The following PIEZO2 variants were observed in gnomAD, a reference collection of about 807,000 sequenced individuals.
The protein encoded by PIEZO2 is piezo type mechanosensitive ion channel component 2, also known as piezo-type mechanosensitive ion channel component 2.
Under a neutral mutation model 337.3 loss-of-function variants are expected in PIEZO2, and 172 were observed. The observed-to-expected ratio is 0.51, with a 90% CI of 0.45 to 0.58. The LOEUF (loss-of-function observed/expected upper bound fraction) is 0.58. Among genes scored for constraint, PIEZO2 ranks in the 20% least tolerant of loss-of-function variants. The probability of loss-of-function intolerance (pLI) is 0.00; values close to 1 mark genes in which losing one functional copy is unlikely to be tolerated. For missense variants in PIEZO2, 3,028 were observed against 3,391.3 expected (o/e 0.89, Z 2.66); for synonymous variants, 1,251 against 1,228.5 (o/e 1.02, Z -0.38).
chr18:10,906,398 A>C (rs1240150639), intron 4 of PIEZO2, among the ~76,000 whole-genome samples: 1 of 152,228 alleles, frequency 6.6e-6, no homozygotes, highest in Non-Finnish European at 1.5e-5. Flanking sequence ...AATAGACAGC[A>C]ATATGATCTC....
At chr18:10,906,082 G>A (rs570191255) in intron 4 of PIEZO2, among the ~76,000 whole-genome samples, 29 of 152,176 alleles carry the variant, frequency 1.9e-4, no homozygotes, top group African/African-American at 5.1e-4. Context: ...GGAAGGCTGC[G>A]GTCACCCCAA....
intron 2 of PIEZO2, among the ~76,000 whole-genome samples, chr18:11,049,782 A>G (rs1023299395): frequency 1.3e-5 from 2 of 152,192 alleles, no homozygotes; most frequent in Admixed American, 6.5e-5. Flanking sequence ...GCCTCCCACC[A>G]TGATTGTGAG....
chr18:11,125,367 G>A lies in PIEZO2; in HGVS notation c.64+23158C>T, dbSNP rs926536895. 6.6e-6 allele frequency among the ~76,000 whole-genome samples: 1 copy of A among 152,208 alleles called. No homozygotes were observed. Among genetic ancestry groups the A allele is most frequent in the Non-Finnish European group, 1.5e-5 (1 of 68,044 alleles). On this transcript the variant is annotated intron_variant, in intron 1 of 55. Transcript: ENST00000674853. This position sits in a 1 kb window ranked among gnomAD's most constrained non-coding sequence, Gnocchi z 4.4. ...TGTTACAACACTTACAATGTTGAAT[G>A]TGGCATTTCAGCAATTTTAAAATCC... is the stretch of plus-strand genomic sequence containing the variant.
In PIEZO2 at chr18:11,148,405, G is replaced by A. The variant is rs1259478372; in HGVS notation, c.64+120C>T. 9 of 1,162,802 alleles carry A rather than the reference G, an allele frequency of 7.7e-6. No individual in the cohort carries two copies. The highest frequency in any genetic ancestry group is 7.7e-5 in the African/African-American group (5 of 65,234). 72.0% of individuals were successfully genotyped at this position (1,162,802 alleles called of 1,614,324 possible). A position where few individuals can be genotyped will look rare whatever the true frequency, so the allele number is the denominator to read the frequency against. On this transcript the variant is annotated intron_variant, in intron 1 of 55. Transcript: ENST00000674853. This position sits in a 1 kb window ranked among gnomAD's most constrained non-coding sequence, Gnocchi z 5.2. ...GCACCAGGGACAGCGCGCGTCTGAC[G>A]CCGCTGGCCTCCCGAATCGAACCCC...
At chr18:11,029,534 G>C (rs1431463179) in intron 2 of PIEZO2, among the ~76,000 whole-genome samples, 1 of 152,094 alleles carries the variant, frequency 6.6e-6, no homozygotes, top group Non-Finnish European at 1.5e-5. Flanking sequence ...AAGCAAATTA[G>C]GCCATTCTAT....
chr18:10,899,225 A>C lies in PIEZO2; in HGVS notation c.329+11961T>G, dbSNP rs1265186897. Among the ~76,000 whole-genome samples, 1 of 152,200 alleles carries C rather than the reference A, an allele frequency of 6.6e-6. No individual in the cohort carries two copies. The highest frequency in any genetic ancestry group is 1.5e-5 in the Non-Finnish European group (1 of 68,028). On this transcript the variant is annotated intron_variant, in intron 4 of 55. Transcript: ENST00000674853. The surrounding 1 kb of genome is among the most constrained non-coding windows in gnomAD (Gnocchi z 4.6). ...GAAACAACCAAGCTATGGAAGTCAT[A>C]CAATACTGGGACAATCCTGTAGTTG...
intron 13 of PIEZO2, among the ~76,000 whole-genome samples, chr18:10,792,475 T>C (rs2039439213): frequency 6.6e-6 from 1 of 152,256 alleles, no homozygotes; most frequent in Non-Finnish European, 1.5e-5. Flanking sequence ...AATTTACTTT[T>C]TGTCTCTATA....
At chr18:10,836,827 T>C (rs911274231) in intron 7 of PIEZO2, among the ~76,000 whole-genome samples, 5 of 152,192 alleles carry the variant, frequency 3.3e-5, no homozygotes, top group Non-Finnish European at 7.3e-5. Context: ...GGGGAGGTAA[T>C]ATCTGCACAG....
At chr18:11,010,024 A>G (rs2035842562) in intron 2 of PIEZO2, among the ~76,000 whole-genome samples, 1 of 152,244 alleles carries the variant, frequency 6.6e-6, no homozygotes, top group Non-Finnish European at 1.5e-5. Context: ...TAACAGCAAG[A>G]GTAAATGAAT....
At chr18:11,055,061 A>G (rs191724928) in intron 2 of PIEZO2, among the ~76,000 whole-genome samples, 4,653 of 152,086 alleles carry the variant, frequency 0.031, 176 homozygotes, top group Admixed American at 0.085. Flanking sequence ...AACACAAAAA[A>G]TTAGCTGGGC....
intron 1 of PIEZO2, among the ~76,000 whole-genome samples, chr18:11,100,744 C>T (rs1459409332): frequency 2.0e-5 from 3 of 152,046 alleles, no homozygotes; most frequent in East Asian, 3.9e-4. Context: ...TACAGGCGCC[C>T]GCCACCACGC....
At chr18:10,690,628 G>C (rs540375163) in intron 48 of PIEZO2, among the ~76,000 whole-genome samples, 1 of 152,342 alleles carries the variant, frequency 6.6e-6, no homozygotes, top group South Asian at 2.1e-4. Context: ...GTGCTGAGGA[G>C]GAGCCAGCAG....
rs909714543 is a variant in PIEZO2 at position 10,781,294 on chromosome 18, C to T, written c.2493-928G>A. Among the ~76,000 whole-genome samples, 19 of 151,660 alleles carry T rather than the reference C, an allele frequency of 1.3e-4. No individual in the cohort carries two copies. Among genetic ancestry groups the T allele is most frequent in the African/African-American group, 4.4e-4 (18 of 41,346 alleles). ...TACCAGCCTGGCCAATATGGTGAAA[C>T]CCCCGTCTCTATTAAAAATAGAAAA... On this transcript the variant is annotated intron_variant, in intron 17 of 55. Coordinates refer to ENST00000674853, the MANE Select transcript of PIEZO2 (RefSeq NM_001378183.1). The surrounding 1 kb of genome is among the most constrained non-coding windows in gnomAD (Gnocchi z 4.1).
chr18:10,755,981 AGATGGAGGATGAGGAGGAGG>A (rs1598436622), intron 27 of PIEZO2, among the ~76,000 whole-genome samples: 3 of 140,994 alleles, frequency 2.1e-5, no homozygotes, highest in African/African-American at 8.0e-5. Context: ...TGAGGAGGAA[AGATGGAGGATGAGGAGGAGG>A]GATGGAGAAT....
intron 1 of PIEZO2, among the ~76,000 whole-genome samples, chr18:11,122,837 C>T (rs2040066012): frequency 6.6e-6 from 1 of 151,922 alleles, no homozygotes; most frequent in Admixed American, 6.6e-5. Context: ...TCAAAGCAAA[C>T]AAGACGACAA....
chr18:10,699,103 G>A lies in PIEZO2; in HGVS notation c.6516C>T (p.Ser2172=). Residue 2172 remains serine, a synonymous_variant, in exon 44 of 56, where the codon TCC becomes TCT. Coordinates refer to ENST00000674853, the MANE Select transcript of PIEZO2 (RefSeq NM_001378183.1). ...AGGAGTCCCTCCTGCCATGACCGAGGGAGAGCTCATCATCTGATTCCTCCC... is the reference window on the plus strand; with the variant it reads ...AGGAGTCCCTCCTGCCATGACCGAGAGAGAGCTCATCATCTGATTCCTCCC... ...MAREESDDEL[S]LGHGRRDSSD... is the part of the protein sequence containing the mutation. The A allele has an allele frequency of 6.5e-7, 1 of 1,537,220 alleles. No individual in the cohort carries two copies. Among genetic ancestry groups the A allele is most frequent in the Non-Finnish European group, 8.7e-7 (1 of 1,146,894 alleles).
rs902981759 is a variant in PIEZO2 at position 11,099,084 on chromosome 18, A to G, written c.65-32862T>C. 6.6e-6 allele frequency among the ~76,000 whole-genome samples: 1 copy of G among 151,844 alleles called. No individual in the cohort carries two copies. The highest frequency in any genetic ancestry group is 1.5e-5 in the Non-Finnish European group (1 of 67,994). On this transcript the variant is annotated intron_variant, in intron 1 of 55. Transcript: ENST00000674853. The surrounding 1 kb of genome is among the most constrained non-coding windows in gnomAD (Gnocchi z 5.4). Reference sequence around the variant, plus strand: ...CTCCCAAAGTGCTGGGATTACAGGCATCAGCCACTGCACCTGGCCTTTTAA... The same window carrying G: ...CTCCCAAAGTGCTGGGATTACAGGCGTCAGCCACTGCACCTGGCCTTTTAA...
In PIEZO2 at chr18:10,677,215, A is replaced by ATTAT. The variant is rs897370263; in HGVS notation, c.8081+528_8081+531dup. On this transcript the variant is annotated intron_variant, in intron 53 of 55. Transcript: ENST00000674853. This position sits in a 1 kb window ranked among gnomAD's most constrained non-coding sequence, Gnocchi z 4.1. ...ACAAACCCTCATTCATTTGTTTTTT[A>ATTAT]TTATTTATTTATTTATTTTTGAAAT... 2.0e-4 allele frequency among the ~76,000 whole-genome samples: 31 copies of ATTAT among 152,014 alleles called. No individual in the cohort carries two copies. Among genetic ancestry groups the ATTAT allele is most frequent in the Admixed American group, 7.2e-4 (11 of 15,264 alleles).
intron 7 of PIEZO2, among the ~76,000 whole-genome samples, chr18:10,823,179 C>G (rs1206692449): frequency 6.6e-6 from 1 of 152,026 alleles, no homozygotes; most frequent in East Asian, 1.9e-4. Flanking sequence ...TGTCTAGGTT[C>G]TCTTTTTAGA....
Sources: allele counts gnomAD v4.1 joint callset (sites outside exome capture counted in the v4.1 genomes callset), GRCh38; gene constraint gnomAD v4.1.1; non-coding constraint Gnocchi (gnomAD v3.1); transcripts MANE v1.5; gene names NCBI Gene and HGNC (gene_info 2026-07-23, HGNC 2026-07-21).